The following RBM19 variants were observed in gnomAD, a reference collection of about 807,000 sequenced individuals.
RBM19 encodes probable RNA-binding protein 19.
In RBM19, 94 loss-of-function variants were observed where a neutral mutation model predicts 116.8. The ratio of observed to expected loss-of-function variants is 0.80; its 90% CI spans 0.68 to 0.95. The LOEUF (loss-of-function observed/expected upper bound fraction) is 0.95, where lower values mean the gene tolerates loss of function less well. RBM19 is among the 40% of genes least tolerant of loss of function. The pLI is 0.00. For missense variants in RBM19, 1,161 were observed against 1,220.7 expected, an observed-to-expected ratio of 0.95 and a Z score of 0.73; for synonymous variants, 475 against 494.1, an observed-to-expected ratio of 0.96 and a Z score of 0.51.
chr12:113,864,930 G>C lies in RBM19; in HGVS notation c.2559-6034C>G, dbSNP rs377040141. On this transcript the variant is annotated intron_variant, in intron 21 of 23. Transcript: ENST00000261741. ...GTTTCAATGGCTACTACTGTCCCCA[G>C]TTTCATGAATATCTGTCAGTCATCA... Among the ~76,000 whole-genome samples, 82 of 152,198 alleles carry C rather than the reference G, an allele frequency of 5.4e-4. 1 individual carries two copies. The highest frequency in any genetic ancestry group is 3.4e-3 in the Middle Eastern group (1 of 294).
chr12:113,864,128 A>G (rs1226222701), intron 21 of RBM19, among the ~76,000 whole-genome samples: 1 of 152,184 alleles, frequency 6.6e-6, no homozygotes, highest in Non-Finnish European at 1.5e-5. Context: ...CCAAGGTTCC[A>G]TGGGCAGCAT....
intron 9 of RBM19, among the ~76,000 whole-genome samples, 181 bp downstream of exon 9, chr12:113,949,902 C>T (rs1025119354): frequency 2.6e-5 from 4 of 152,132 alleles, no homozygotes; most frequent in Non-Finnish European, 5.9e-5. Context: ...CTGTCAGCCC[C>T]GAAAGGGCAG....
Position 113,898,740 on chromosome 12 carries a change from C to A in RBM19, c.2558+16229G>T, listed in dbSNP as rs1476805885. Among the ~76,000 whole-genome samples the A allele has an allele frequency of 5.3e-5, 8 of 152,220 alleles. No individual in the cohort carries two copies. The highest frequency in any genetic ancestry group is 5.2e-4 in the Admixed American group (8 of 15,288). ...ACAGGCATTCTCTGCATTAGTATTA[C>A]TGACGTAAAAGAACCGAAACAGATT... On this transcript the variant is annotated intron_variant, in intron 21 of 23. Coordinates refer to ENST00000261741, the MANE Select transcript of RBM19 (RefSeq NM_016196.4). The surrounding 1 kb of genome is among the most constrained non-coding windows in gnomAD (Gnocchi z 4.3).
At chr12:113,966,092 C>T in intron 1 of RBM19, 100 bp downstream of exon 1, 2 of 1,483,486 alleles carry the variant, frequency 1.3e-6, no homozygotes, top group East Asian at 2.3e-5. Context: ...AGTCCTGCCC[C>T]AGAGCAAAAA....
chr12:113,947,582 C>A, intron 10 of RBM19, 118 bp from the exon 11 acceptor site: 1 of 1,117,728 alleles, frequency 8.9e-7, no homozygotes, highest in Non-Finnish European at 1.2e-6. Flanking sequence ...TTTCCCAGTC[C>A]CCTACGTGTG....
chr12:113,943,386 C>G (rs892463590), intron 13 of RBM19, among the ~76,000 whole-genome samples: 1 of 152,168 alleles, frequency 6.6e-6, no homozygotes, highest in African/African-American at 2.4e-5. Flanking sequence ...TGCCACAAGC[C>G]CCTCAGAGCC....
At chr12:113,823,412 G>C in intron 23 of RBM19, 91 bp from the exon 24 acceptor site, 9 of 1,107,518 alleles carry the variant, frequency 8.1e-6, no homozygotes, top group Non-Finnish European at 1.2e-5. Flanking sequence ...AGGAGGGAGA[G>C]GGGAGAGATG....
chr12:113,889,738 A>G (rs1438820368), intron 21 of RBM19, among the ~76,000 whole-genome samples: 1 of 152,130 alleles, frequency 6.6e-6, no homozygotes. Flanking sequence ...CTTAGGTGAA[A>G]GGAAGAGAAT....
chr12:113,942,566 T>C, intron 13 of RBM19, 132 bp from the exon 14 acceptor site: 1 of 666,542 alleles, frequency 1.5e-6, no homozygotes, highest in Non-Finnish European at 2.5e-6. Context: ...CCTTCCTACA[T>C]TGATCAGATG....
chr12:113,953,724 T>C (rs572816101), intron 7 of RBM19, among the ~76,000 whole-genome samples: 1 of 152,350 alleles, frequency 6.6e-6, no homozygotes, highest in South Asian at 2.1e-4. Flanking sequence ...AGCCTTAGAA[T>C]TGTACACACA....
chr12:113,902,706 C>T (rs753397785), intron 21 of RBM19, among the ~76,000 whole-genome samples: 3 of 151,794 alleles, frequency 2.0e-5, no homozygotes, highest in East Asian at 1.9e-4. Flanking sequence ...GATTTAGCCA[C>T]GTTGTTTTGT....
At chr12:113,944,093 G>GTTTTTTTTTT (rs71433305) in intron 13 of RBM19, among the ~76,000 whole-genome samples, 4 of 67,664 alleles carry the variant, frequency 5.9e-5, no homozygotes, top group East Asian at 5.9e-4. Context: ...CCAGATGCAT[G>GTTTTTTTTTT]TTTTTTTTTT....
chr12:113,941,676 T>C (rs984735693), intron 14 of RBM19, among the ~76,000 whole-genome samples: 26 of 150,856 alleles, frequency 1.7e-4, no homozygotes, highest in Non-Finnish European at 2.6e-4. Context: ...CATCCATCCA[T>C]CCACCCATCC....
intron 18 of RBM19, among the ~76,000 whole-genome samples, chr12:113,923,508 C>G (rs1425563409): frequency 1.3e-5 from 2 of 152,210 alleles, no homozygotes; most frequent in African/African-American, 4.8e-5. Flanking sequence ...TTAGAACCCT[C>G]CATGGCTCCC....
chr12:113,921,694 T>C (rs1190544475), intron 18 of RBM19, among the ~76,000 whole-genome samples: 3 of 152,154 alleles, frequency 2.0e-5, no homozygotes, highest in African/African-American at 4.8e-5. Flanking sequence ...ACTTTAAATG[T>C]TCGTTCTGCA....
chr12:113,960,230 G>T (rs773670041), intron 2 of RBM19, 52 bp from the exon 3 acceptor site: 1 of 1,610,152 alleles, frequency 6.2e-7, no homozygotes, highest in Admixed American at 1.7e-5. Flanking sequence ...CCAGGCGTTG[G>T]GTGCTGCCCT....
chr12:113,877,528 G>A (rs879636145), intron 21 of RBM19, among the ~76,000 whole-genome samples: 6 of 152,190 alleles, frequency 3.9e-5, no homozygotes, highest in East Asian at 1.9e-4. Context: ...TCCTGGATGC[G>A]TCCATACACT....
intron 19 of RBM19, 52 bp from the exon 20 acceptor site, chr12:113,918,499 C>T (rs771073916): frequency 2.9e-5 from 46 of 1,589,134 alleles, no homozygotes; most frequent in Non-Finnish European, 3.8e-5. Flanking sequence ...AATACTCACC[C>T]GAATCCTTGC....
intron 23 of RBM19, among the ~76,000 whole-genome samples, chr12:113,838,121 C>T (rs1876123852): frequency 1.3e-5 from 2 of 152,230 alleles, no homozygotes; most frequent in African/African-American, 4.8e-5. Flanking sequence ...GCCAGAGCCT[C>T]TCCTGGCAGC....
Sources: gnomAD v4.1 joint callset for allele counts (sites outside exome capture counted in the v4.1 genomes callset) on GRCh38, gnomAD v4.1.1 for gene constraint, Gnocchi (gnomAD v3.1) non-coding constraint, MANE v1.5 for transcripts, NCBI Gene and HGNC (gene_info 2026-07-23, HGNC 2026-07-21) for gene names.